Variants in ZBTB3 observed in about 807,000 individuals in gnomAD.
ZBTB3 encodes the protein zinc finger and BTB domain-containing protein 3.
Under a neutral mutation model 30.6 loss-of-function variants are expected in ZBTB3, and 15 were observed. The observed-to-expected ratio is 0.49, with a 90% CI of 0.33 to 0.75. The LOEUF is 0.75. Among genes scored for constraint, ZBTB3 ranks in the 30% least tolerant of loss-of-function variants. ZBTB3 has a pLI of 0.02. For synonymous variants in ZBTB3, 258 were observed against 261.7 expected, an observed-to-expected ratio of 0.99 and a Z score of 0.14; for missense variants, 599 against 652.1, an observed-to-expected ratio of 0.92 and a Z score of 0.89.
In ZBTB3 at chr11:62,751,916, C is replaced by G; in HGVS notation, c.*174G>C. 1 of 591,092 alleles carries G rather than the reference C, an allele frequency of 1.7e-6. No individual in the cohort carries two copies. Among genetic ancestry groups the G allele is most frequent in the East Asian group, 3.1e-5 (1 of 32,312 alleles). 36.6% of individuals were successfully genotyped at this position (591,092 alleles called of 1,614,324 possible). Reference sequence around the variant, plus strand: ...CGCCACTGCACTCCAGTCTGGGTGACAGAGTGAGACTCTGTCTCAAAAAAA... The same window carrying G: ...CGCCACTGCACTCCAGTCTGGGTGAGAGAGTGAGACTCTGTCTCAAAAAAA... On this transcript the variant is annotated 3_prime_UTR_variant, in exon 2 of 2. Coordinates refer to ENST00000394807, the MANE Select transcript of ZBTB3 (RefSeq NM_001370809.1).
At position 62,752,456 on chromosome 11, in the gene ZBTB3, C is replaced by A; in HGVS notation, c.1209G>T (p.Leu403=). ...APASLHEPLY[L]SSEYEAAPGS... Reference sequence around the variant, plus strand: ...CTGGAGCTGCTTCGTACTCAGAAGACAGGTAAAGTGGCTCATGCAGGGATG... The same window carrying A: ...CTGGAGCTGCTTCGTACTCAGAAGAAAGGTAAAGTGGCTCATGCAGGGATG... The change falls in exon 2 of 2, where the codon CTG becomes CTT. Residue 403 remains leucine, a synonymous_variant. Coordinates refer to ENST00000394807, the MANE Select transcript of ZBTB3 (RefSeq NM_001370809.1). 1 of 1,614,158 alleles carries A rather than the reference C, an allele frequency of 6.2e-7. No individual in the cohort carries two copies. Among genetic ancestry groups the A allele is most frequent in the Non-Finnish European group, 8.5e-7 (1 of 1,180,042 alleles).
chr11:62,754,112 G>A lies in ZBTB3; in HGVS notation c.-200C>T, dbSNP rs751816723. The A allele has an allele frequency of 6.3e-7, 1 of 1,580,086 alleles. No homozygotes were observed. Among genetic ancestry groups the A allele is most frequent in the Non-Finnish European group, 8.7e-7 (1 of 1,149,332 alleles). On this transcript the variant is annotated 5_prime_UTR_variant, in exon 1 of 2. Transcript: ENST00000394807. ...AGGACTACCAGGGTGGGAACTAGCG[G>A]AGAAAGCTGATACCTCACCCACCAC...
chr11:62,751,979 C>T lies in ZBTB3; in HGVS notation c.*111G>A. On this transcript the variant is annotated 3_prime_UTR_variant, in exon 2 of 2. Coordinates refer to ENST00000394807, the MANE Select transcript of ZBTB3 (RefSeq NM_001370809.1). ...AAAAAAAAAGGGTAGGAACTTTCAG[C>T]CTGGGCAGAGCCTTTATTCTTGTCA... 1 of 1,085,606 alleles carries T rather than the reference C, an allele frequency of 9.2e-7. No homozygotes were observed. Among genetic ancestry groups the T allele is most frequent in the Middle Eastern group, 3.2e-4 (1 of 3,136 alleles). 67.2% of individuals were successfully genotyped at this position (1,085,606 alleles called of 1,614,324 possible).
rs368319142 is a variant in ZBTB3, at chr11:62,753,959, C to T, written c.-52+5G>A. The T allele has an allele frequency of 6.2e-6, 10 of 1,613,656 alleles. No individual in the cohort carries two copies. Among genetic ancestry groups the T allele is most frequent in the African/African-American group, 1.3e-5 (1 of 74,832 alleles). On this transcript the variant is annotated splice_donor_5th_base_variant and intron_variant, in intron 1 of 1. Transcript: ENST00000394807. ...TTAGCCACCCTCCGCTTCCTTGATGCCCACCCGGTAGCGTCCAACGGCTCC... is the reference window on the plus strand; with the variant it reads ...TTAGCCACCCTCCGCTTCCTTGATGTCCACCCGGTAGCGTCCAACGGCTCC...
In ZBTB3 at chr11:62,752,779, G is replaced by A; in HGVS notation, c.886C>T (p.Pro296Ser). 6.2e-7 allele frequency: 1 copy of A among 1,614,168 alleles called. No individual in the cohort carries two copies. The highest frequency in any genetic ancestry group is 1.1e-5 in the South Asian group (1 of 91,088). ...SAPVPSQAPAPAEAELVQVKV... is the reference protein window; with the variant it reads ...SAPVPSQAPASAEAELVQVKV... ...ACCTGGACCAGCTCAGCTTCAGCTGGGGCTGGAGCCTGGGATGGAACTGGA... is the reference window on the plus strand; with the variant it reads ...ACCTGGACCAGCTCAGCTTCAGCTGAGGCTGGAGCCTGGGATGGAACTGGA... The change falls in exon 2 of 2, where the codon CCA (proline) becomes TCA (serine). Residue 296 changes from proline (P) to serine (S), a missense_variant. Physicochemically the swap from Pro to Ser is moderately conservative, Grantham distance 74. Coordinates refer to ENST00000394807, the MANE Select transcript of ZBTB3 (RefSeq NM_001370809.1).
Position 62,753,249 on chromosome 11 carries a change from T to C in ZBTB3, c.416A>G (p.Gln139Arg). The C allele has an allele frequency of 3.1e-6, 5 of 1,614,188 alleles. No homozygotes were observed. The highest frequency in any genetic ancestry group is 4.2e-6 in the Non-Finnish European group (5 of 1,180,042). ...STKKEEETNSQLPSLEFLSST... is the reference protein window; with the variant it reads ...STKKEEETNSRLPSLEFLSST... ...AGACAAAAACTCCAAACTAGGAAGC[T>C]GTGAGTTGGTTTCCTCCTCCTTCTT... The change falls in exon 2 of 2, where the codon CAG becomes CGG. Residue 139 changes from glutamine to arginine, a missense_variant. Coordinates refer to ENST00000394807, the MANE Select transcript of ZBTB3 (RefSeq NM_001370809.1).
In ZBTB3 at chr11:62,753,166, C is replaced by T. The variant is rs1190818997; in HGVS notation, c.499G>A (p.Gly167Ser). ...LASAETSGHW[G>S]KGEWKGSAAP... is the part of the protein sequence containing the mutation. ...GCAGAGCCTTTCCATTCCCCTTTGC[C>T]CCAGTGGCCTGATGTCTCAGCAGAT... Residue 167 changes from glycine to serine, a missense_variant, in exon 2 of 2, where the codon GGC becomes AGC. By Grantham distance (56) the Gly-to-Ser change is moderately conservative. Transcript: ENST00000394807. 1 of 1,614,138 alleles carries T rather than the reference C, an allele frequency of 6.2e-7. No individual in the cohort carries two copies. Among genetic ancestry groups the T allele is most frequent in the Non-Finnish European group, 8.5e-7 (1 of 1,180,028 alleles).
In ZBTB3 at chr11:62,753,120, C is replaced by T. The variant is rs779542676; in HGVS notation, c.545G>A (p.Arg182His). ...AGACATTGGTGGCTCATCTGGAGGA[C>T]GGACAGTAGGTGAGGGAGCAGCAGA... is the stretch of plus-strand genomic sequence containing the variant. ...KGSAAPSPTV[R>H]PPDEPPMSSG... The change falls in exon 2 of 2, where the codon CGT (arginine) becomes CAT (histidine). Residue 182 changes from arginine (R) to histidine (H), a missense_variant. Transcript: ENST00000394807. 41 of 1,614,046 alleles carry T rather than the reference C, an allele frequency of 2.5e-5. No individual in the cohort carries two copies. The highest frequency in any genetic ancestry group is 5.5e-5 in the South Asian group (5 of 91,092).
At position 62,753,002 on chromosome 11, in the gene ZBTB3, G is replaced by A. The variant is rs1425380049; in HGVS notation, c.663C>T (p.Ser221=). ...HPPVADVSLA[S]PSSSTETIPT... is the part of the protein sequence containing the mutation. ...GAATGGTCTCAGTGGAGCTACTAGG[G>A]CTGGCAAGAGAGACATCAGCCACTG... The change falls in exon 2 of 2, where the codon AGC becomes AGT. Residue 221 remains serine, a synonymous_variant. Transcript: ENST00000394807. 6.2e-7 allele frequency: 1 copy of A among 1,614,100 alleles called. No homozygotes were observed. The highest frequency in any genetic ancestry group is 1.1e-5 in the South Asian group (1 of 91,072).
At position 62,754,114 on chromosome 11, in the gene ZBTB3, G is replaced by C; in HGVS notation, c.-202C>G. Reference sequence around the variant, plus strand: ...GACTACCAGGGTGGGAACTAGCGGAGAAAGCTGATACCTCACCCACCACCG... The same window carrying C: ...GACTACCAGGGTGGGAACTAGCGGACAAAGCTGATACCTCACCCACCACCG... On this transcript the variant is annotated 5_prime_UTR_variant, in exon 1 of 2. Transcript: ENST00000394807. The C allele has an allele frequency of 6.4e-7, 1 of 1,568,686 alleles. No homozygotes were observed. The highest frequency in any genetic ancestry group is 8.8e-7 in the Non-Finnish European group (1 of 1,138,980).
Position 62,753,676 on chromosome 11 carries a change from A to C in ZBTB3, c.-12T>G, listed in dbSNP as rs957943133. On this transcript the variant is annotated 5_prime_UTR_variant, in exon 2 of 2. Coordinates refer to ENST00000394807, the MANE Select transcript of ZBTB3 (RefSeq NM_001370809.1). Reference sequence around the variant, plus strand: ...TCTGGGAACTCCATAGTACCCCACGAAGGAAAGGGGGCCCAAAAAAGGTCC... The same window carrying C: ...TCTGGGAACTCCATAGTACCCCACGCAGGAAAGGGGGCCCAAAAAAGGTCC... The C allele has an allele frequency of 6.2e-7, 1 of 1,607,448 alleles. No individual in the cohort carries two copies. Among genetic ancestry groups the C allele is most frequent in the Non-Finnish European group, 8.5e-7 (1 of 1,176,732 alleles).
At position 62,753,109 on chromosome 11, in the gene ZBTB3, C is replaced by T; in HGVS notation, c.556G>A (p.Glu186Lys). The change falls in exon 2 of 2, where the codon GAG becomes AAG. Residue 186 changes from glutamate to lysine, a missense_variant. Coordinates refer to ENST00000394807, the MANE Select transcript of ZBTB3 (RefSeq NM_001370809.1). ...APSPTVRPPD[E>K]PPMSSGADTT... ...TCAGCCCCACTAGACATTGGTGGCT[C>T]ATCTGGAGGACGGACAGTAGGTGAG... The T allele has an allele frequency of 3.1e-6, 5 of 1,614,216 alleles. No homozygotes were observed. The highest frequency in any genetic ancestry group is 3.4e-6 in the Non-Finnish European group (4 of 1,180,038).
Position 62,751,951 on chromosome 11 carries a change from A to G in ZBTB3, c.*139T>C. On this transcript the variant is annotated 3_prime_UTR_variant, in exon 2 of 2. Transcript: ENST00000394807. The stretch of plus-strand genomic sequence containing the variant: ...CTCTGTCTCAAAAAAATAAAAGATT[A>G]AAAAAAAAAAAGGGTAGGAACTTTC... 1 of 283,316 alleles carries G rather than the reference A, an allele frequency of 3.5e-6. No individual in the cohort carries two copies. The allele number at this position is 283,316 out of a possible 1,614,324, so 17.6% of individuals were successfully genotyped here. A position where few individuals can be genotyped will look rare whatever the true frequency, so the allele number is the denominator to read the frequency against.
chr11:62,752,638 G>T lies in ZBTB3; in HGVS notation c.1027C>A (p.Gln343Lys). 1 of 1,614,222 alleles carries T rather than the reference G, an allele frequency of 6.2e-7. No homozygotes were observed. Among genetic ancestry groups the T allele is most frequent in the South Asian group, 1.1e-5 (1 of 91,086 alleles). The change falls in exon 2 of 2, where the codon CAG (glutamine) becomes AAG (lysine). Residue 343 changes from glutamine to lysine, a missense_variant. Gln to Lys is a moderately conservative substitution (Grantham distance 53, BLOSUM62 1). Coordinates refer to ENST00000394807, the MANE Select transcript of ZBTB3 (RefSeq NM_001370809.1). ...CCTGGGTCTTCAAAAGCCTCTGGCTGGGAGGGCTGTGCCCCATACACTGCT... is the reference window on the plus strand; with the variant it reads ...CCTGGGTCTTCAAAAGCCTCTGGCTTGGAGGGCTGTGCCCCATACACTGCT... ...GGAVYGAQPS[Q>K]PEAFEDPGAA...
chr11:62,753,385 T>C lies in ZBTB3; in HGVS notation c.280A>G (p.Thr94Ala). ...GCTGCCAGCACATCCTCCACAGGGGTATCCCCTCTCAGGGTCAGCTGGCCA... is the reference window on the plus strand; with the variant it reads ...GCTGCCAGCACATCCTCCACAGGGGCATCCCCTCTCAGGGTCAGCTGGCCA... ...YAGQLTLRGD[T>A]PVEDVLAAAS... The change falls in exon 2 of 2, where the codon ACC (threonine) becomes GCC (alanine). Residue 94 changes from threonine (T) to alanine (A), a missense_variant. Coordinates refer to ENST00000394807, the MANE Select transcript of ZBTB3 (RefSeq NM_001370809.1). 1 of 1,614,046 alleles carries C rather than the reference T, an allele frequency of 6.2e-7. No individual in the cohort carries two copies. The highest frequency in any genetic ancestry group is 8.5e-7 in the Non-Finnish European group (1 of 1,180,024).
rs757967096 is a variant in ZBTB3, at chr11:62,752,424, A to G, written c.1241T>C (p.Phe414Ser). 5 of 1,613,970 alleles carry G rather than the reference A, an allele frequency of 3.1e-6. No individual in the cohort carries two copies. In the African/African-American group the frequency reaches 5.3e-5, roughly 17 times the overall value. ...SSEYEAAPGS[F>S]GVFTEDVPTC... ...GGGAACATCCTCAGTAAAAACCCCAAAGCTTCCTGGAGCTGCTTCGTACTC... is the reference window on the plus strand; with the variant it reads ...GGGAACATCCTCAGTAAAAACCCCAGAGCTTCCTGGAGCTGCTTCGTACTC... Residue 414 changes from phenylalanine (F) to serine (S), a missense_variant, in exon 2 of 2, where the codon TTT (phenylalanine) becomes TCT (serine). By Grantham distance (155) the Phe-to-Ser change is radical. Transcript: ENST00000394807.
chr11:62,752,267 G>A lies in ZBTB3; in HGVS notation c.1398C>T (p.Tyr466=), dbSNP rs768131886. The change falls in exon 2 of 2, where the codon TAC becomes TAT. Residue 466 remains tyrosine, a synonymous_variant. Transcript: ENST00000394807. The stretch of plus-strand genomic sequence containing the variant: ...CATTGTGAGCCTTGCGGATGTGGCG[G>A]TAGAGGTCCCCTGACTGCGTGTAGC... ...LRSYTQSGDL[Y]RHIRKAHNED... 37 of 1,614,196 alleles carry A rather than the reference G, an allele frequency of 2.3e-5. No homozygotes were observed. Among genetic ancestry groups the A allele is most frequent in the Non-Finnish European group, 3.1e-5 (37 of 1,180,032 alleles).
rs201620712 is a variant in ZBTB3, at chr11:62,752,912, C to G, written c.753G>C (p.Val251=). The G allele has an allele frequency of 2.0e-5, 33 of 1,614,102 alleles. No individual in the cohort carries two copies. Among genetic ancestry groups the G allele is most frequent in the Non-Finnish European group, 2.8e-5 (33 of 1,180,020 alleles). Residue 251 remains valine (V), a synonymous_variant, in exon 2 of 2, where the codon GTG becomes GTC. Transcript: ENST00000394807. ...VSLEPLPSLD[V]GPESLRVVEP... ...CCACCACCCTCAGACTCTCAGGACCCACATCAAGAGATGGCAGTGGCTCCA... is the reference window on the plus strand; with the variant it reads ...CCACCACCCTCAGACTCTCAGGACCGACATCAAGAGATGGCAGTGGCTCCA...
rs1347231266 is a variant in ZBTB3 at position 62,752,334 on chromosome 11, T to C, written c.1331A>G (p.His444Arg). Residue 444 changes from histidine (H) to arginine (R), a missense_variant, in exon 2 of 2, where the codon CAC (histidine) becomes CGC (arginine). His to Arg is a conservative substitution (Grantham distance 29, BLOSUM62 0). Transcript: ENST00000394807. ...SYTLRRHATV[H>R]TRERPYECRY... ...GCACTCATAGGGTCGCTCACGTGTG[T>C]GCACCGTGGCATGTCGCCGTAGTGT... 2 of 1,614,082 alleles carry C rather than the reference T, an allele frequency of 1.2e-6. No homozygotes were observed. The highest frequency in any genetic ancestry group is 1.7e-5 in the Admixed American group (1 of 59,996).
Sources: gnomAD v4.1 joint callset for allele counts on GRCh38, gnomAD v4.1.1 for gene constraint, MANE v1.5 for transcripts, NCBI Gene and HGNC (gene_info 2026-07-23, HGNC 2026-07-21) for gene names.